Variants in RGL1 observed in about 807,000 individuals in gnomAD.
RGL1 encodes the protein ral guanine nucleotide dissociation stimulator like 1.
RGL1 carries 24 observed loss-of-function variants against 95.2 expected under a neutral mutation model. That is an observed-to-expected ratio of 0.25 (90% CI 0.18 to 0.35). The LOEUF is 0.35. Among genes scored for constraint, RGL1 ranks in the 10% least tolerant of loss-of-function variants. The pLI is 1.00. For missense variants in RGL1, 715 were observed against 936.3 expected (o/e 0.76, Z 3.08); for synonymous variants, 329 against 344.9 (o/e 0.95, Z 0.51).
At chr1:183,736,769 A>T (rs781647543) in intron 1 of RGL1, among the ~76,000 whole-genome samples, 1 of 152,224 alleles carries the variant, frequency 6.6e-6, no homozygotes, top group African/African-American at 2.4e-5. Context: ...ATCTGAGTTG[A>T]GTTTGAAAAA....
intron 1 of RGL1, chr1:183,647,959 G>A (rs10911391): frequency 0.038 from 61,473 of 1,614,120 alleles, 2,037 homozygotes; most frequent in African/African-American, 0.17. Flanking sequence ...TGTCCACTCG[G>A]CATTTGAAAA....
chr1:183,898,040 C>A, intron 10 of RGL1, 143 bp downstream of exon 10: 1 of 651,764 alleles, frequency 1.5e-6, no homozygotes. Flanking sequence ...CCCATTTGTT[C>A]TCAGCAGCCC....
intron 1 of RGL1, among the ~76,000 whole-genome samples, chr1:183,650,432 A>G (rs1489570820): frequency 6.6e-6 from 1 of 151,920 alleles, no homozygotes; most frequent in Non-Finnish European, 1.5e-5. Context: ...AGTCCCAGTT[A>G]CTCGGGAGGC....
At chr1:183,667,767 A>G (rs968333663) in intron 1 of RGL1, among the ~76,000 whole-genome samples, 16 of 152,184 alleles carry the variant, frequency 1.1e-4, no homozygotes, top group African/African-American at 2.9e-4. Context: ...TTTATTGAGC[A>G]ATCTGTATGA....
At chr1:183,823,267 CTTT>C (rs1256443887) in intron 2 of RGL1, among the ~76,000 whole-genome samples, 1 of 152,046 alleles carries the variant, frequency 6.6e-6, no homozygotes, top group Non-Finnish European at 1.5e-5. Flanking sequence ...CAGAAATATT[CTTT>C]TGTCTTTTCT....
intron 3 of RGL1, among the ~76,000 whole-genome samples, chr1:183,862,429 G>T (rs1244199789): frequency 6.6e-6 from 1 of 152,228 alleles, no homozygotes; most frequent in African/African-American, 2.4e-5. Context: ...AGTCCATTAA[G>T]TTCCACAAGG....
chr1:183,847,835 C>A, intron 3 of RGL1, 61 bp downstream of exon 3: 1 of 1,331,646 alleles, frequency 7.5e-7, no homozygotes, highest in Non-Finnish European at 1.1e-6. Flanking sequence ...GAGTGGAGCA[C>A]GAGGTTCTGA....
chr1:183,709,657 T>A (rs1655142574), intron 1 of RGL1: 1 of 214,868 alleles, frequency 4.7e-6, no homozygotes, highest in African/African-American at 2.3e-5. Context: ...CAGTTATTTA[T>A]GAACTAGGTC....
intron 2 of RGL1, among the ~76,000 whole-genome samples, chr1:183,755,514 C>G (rs867446374): frequency 9.9e-5 from 15 of 151,484 alleles, no homozygotes; most frequent in Middle Eastern, 3.4e-3. Flanking sequence ...ATTTCAGTAC[C>G]TTTTTAAAAA....
chr1:183,638,475 G>A (rs1649694450), intron 1 of RGL1, among the ~76,000 whole-genome samples: 1 of 152,130 alleles, frequency 6.6e-6, no homozygotes, highest in Non-Finnish European at 1.5e-5. Flanking sequence ...GTATTTTTTA[G>A]TGGGCACATA....
chr1:183,847,421 C>T, intron 2 of RGL1, 145 bp from the exon 3 acceptor site: 1 of 742,270 alleles, frequency 1.3e-6, no homozygotes, highest in South Asian at 1.8e-5. Flanking sequence ...CACCACTGCT[C>T]TCCAGCCTGG....
chr1:183,698,692 C>CT (rs1654399025), intron 1 of RGL1, among the ~76,000 whole-genome samples: 1 of 152,190 alleles, frequency 6.6e-6, no homozygotes, highest in East Asian at 1.9e-4. Flanking sequence ...ATGACATTAT[C>CT]CAATATAGTT....
In RGL1 at chr1:183,926,256, C is replaced by T; in HGVS notation, c.2271C>T (p.Gly757=). Residue 757 remains glycine (G), a synonymous_variant, in exon 18 of 18, where the codon GGC becomes GGT. Transcript: ENST00000360851. ...CGTTGCCCAGGACAGCTAAACGGGG[C>T]TGCTGGAGTAACAGACACAGCAAAA... ...SLTLPRTAKR[G]CWSNRHSKIT... The T allele has an allele frequency of 1.9e-6, 3 of 1,612,980 alleles. No homozygotes were observed. Among genetic ancestry groups the T allele is most frequent in the Non-Finnish European group, 1.7e-6 (2 of 1,179,482 alleles).
At chr1:183,874,854 A>C (rs1256624661) in intron 4 of RGL1, among the ~76,000 whole-genome samples, 2 of 152,192 alleles carry the variant, frequency 1.3e-5, no homozygotes, top group African/African-American at 4.8e-5. Context: ...CTATCTGGCA[A>C]CCTTCCCTGA....
chr1:183,682,963 C>A (rs1354723430), intron 1 of RGL1, among the ~76,000 whole-genome samples: 3 of 150,906 alleles, frequency 2.0e-5, no homozygotes, highest in African/African-American at 7.3e-5. Flanking sequence ...GGTTTAAAGT[C>A]TGTTTTATCA....
At chr1:183,650,769 A>G (rs755160255) in intron 1 of RGL1, among the ~76,000 whole-genome samples, 28 of 151,610 alleles carry the variant, frequency 1.8e-4, no homozygotes, top group Non-Finnish European at 3.2e-4. Flanking sequence ...ACATTGTCAA[A>G]TCGCTTCCTA....
At chr1:183,746,812 A>G (rs1275375955) in intron 2 of RGL1, among the ~76,000 whole-genome samples, 1 of 151,606 alleles carries the variant, frequency 6.6e-6, no homozygotes, top group African/African-American at 2.4e-5. Context: ...CCATCCCCCA[A>G]CAGGCCTAGG....
At chr1:183,846,956 T>C (rs976857869) in intron 2 of RGL1, among the ~76,000 whole-genome samples, 1 of 152,152 alleles carries the variant, frequency 6.6e-6, no homozygotes, top group African/African-American at 2.4e-5. Flanking sequence ...CCTGGTATCA[T>C]TAAAAATGCG....
chr1:183,892,167 G>A lies in RGL1; in HGVS notation c.1140+6G>A. Reference sequence around the variant, plus strand: ...GCCGAGAACTACTGATGAAGGTGAGGCTCTTAGTGAGGCTGCTGTGTAGTG... The same window carrying A: ...GCCGAGAACTACTGATGAAGGTGAGACTCTTAGTGAGGCTGCTGTGTAGTG... On this transcript the variant is annotated splice_donor_region_variant and intron_variant, in intron 9 of 17. Transcript: ENST00000360851. The A allele has an allele frequency of 6.2e-7, 1 of 1,601,006 alleles. No homozygotes were observed. Among genetic ancestry groups the A allele is most frequent in the Non-Finnish European group, 8.6e-7 (1 of 1,168,728 alleles).
Sources: gnomAD v4.1 joint callset for allele counts (sites outside exome capture counted in the v4.1 genomes callset) on GRCh38, gnomAD v4.1.1 for gene constraint, MANE v1.5 for transcripts, NCBI Gene and HGNC (gene_info 2026-07-23, HGNC 2026-07-21) for gene names.